FARS2: variants seen among roughly 807,000 people sequenced by gnomAD.
FARS2 encodes the protein phenylalanyl-tRNA synthetase 2, mitochondrial.
In FARS2, 40 loss-of-function variants were observed where a neutral mutation model predicts 46.4. The observed-to-expected ratio is 0.86, with a 90% CI of 0.67 to 1.12. The LOEUF (loss-of-function observed/expected upper bound fraction) is 1.12. Among genes scored for constraint, FARS2 ranks in the 50% most tolerant of loss-of-function variants. The pLI is 0.00. For missense variants in FARS2, 513 were observed against 567.9 expected (o/e 0.90, Z 0.98); for synonymous variants, 234 against 214.9 (o/e 1.09, Z -0.78).
Position 5,702,523 on chromosome 6 carries a change from T to C in FARS2, c.1218-68768T>C, listed in dbSNP as rs544512035. Among the ~76,000 whole-genome samples, 15 of 152,370 alleles carry C rather than the reference T, an allele frequency of 9.8e-5. 1 individual carries two copies. In the South Asian group the frequency reaches 3.1e-3, roughly 32 times the overall value. ...TTTTCTAATGGGTTGTAATCCATAA[T>C]GTTTCTAGAATTTGGTGGAAAGTCA... is the stretch of plus-strand genomic sequence containing the variant. On this transcript the variant is annotated intron_variant, in intron 6 of 6. Transcript: ENST00000274680.
At chr6:5,338,868 G>C (rs1200013071) in intron 1 of FARS2, among the ~76,000 whole-genome samples, 1 of 152,016 alleles carries the variant, frequency 6.6e-6, no homozygotes, top group East Asian at 1.9e-4. Context: ...GTTTTCTTGC[G>C]ATTTTCCTGT....
chr6:5,440,931 T>TC (rs987392719), intron 4 of FARS2, among the ~76,000 whole-genome samples: 3 of 151,704 alleles, frequency 2.0e-5, no homozygotes, highest in African/African-American at 7.3e-5. Context: ...TTTTTTTTTT[T>TC]TCTTTTTTGA....
intron 5 of FARS2, among the ~76,000 whole-genome samples, chr6:5,559,982 A>C (rs1057369647): frequency 2.0e-5 from 3 of 152,160 alleles, no homozygotes; most frequent in African/African-American, 4.8e-5. Flanking sequence ...TTGTTCAAAA[A>C]TGAATTCCAG....
chr6:5,629,478 G>A (rs975751310), intron 6 of FARS2, among the ~76,000 whole-genome samples: 2 of 149,108 alleles, frequency 1.3e-5, no homozygotes, highest in African/African-American at 5.2e-5. Flanking sequence ...CACGTATACA[G>A]ACAGAAATGT....
At chr6:5,585,208 G>T (rs1267212592) in intron 5 of FARS2, among the ~76,000 whole-genome samples, 2 of 151,924 alleles carry the variant, frequency 1.3e-5, no homozygotes, top group Non-Finnish European at 2.9e-5. Flanking sequence ...TATATTCAAG[G>T]TATGCAATGT....
chr6:5,657,189 T>G (rs1446456310), intron 6 of FARS2, among the ~76,000 whole-genome samples: 3 of 152,144 alleles, frequency 2.0e-5, no homozygotes, highest in African/African-American at 7.2e-5. Flanking sequence ...GGATGTGTAT[T>G]TAGAAAAAAT....
chr6:5,276,598 T>A (rs1470287329), intron 1 of FARS2, among the ~76,000 whole-genome samples: 1 of 152,216 alleles, frequency 6.6e-6, no homozygotes, highest in Non-Finnish European at 1.5e-5. Flanking sequence ...GAGCTTTACT[T>A]TCCCTTTATT....
chr6:5,261,168 G>A (rs1324831844), upstream of FARS2: 1 of 160,746 alleles, frequency 6.2e-6, no homozygotes, highest in Non-Finnish European at 1.3e-5. Context: ...AGAGCCTTTG[G>A]GAACCGTCTG....
chr6:5,666,524 A>G lies in FARS2; in HGVS notation c.1217+53204A>G, dbSNP rs191517444. ...GAGCAGTGCTATTTTAATAAATAGTACATGATAGTTTTGCTGTATACCAGG... is the reference window on the plus strand; with the variant it reads ...GAGCAGTGCTATTTTAATAAATAGTGCATGATAGTTTTGCTGTATACCAGG... On this transcript the variant is annotated intron_variant, in intron 6 of 6. Transcript: ENST00000274680. Among the ~76,000 whole-genome samples, 21 of 152,354 alleles carry G rather than the reference A, an allele frequency of 1.4e-4. No homozygotes were observed. In the East Asian group the frequency reaches 3.9e-3, roughly 28 times the overall value.
intron 6 of FARS2, among the ~76,000 whole-genome samples, chr6:5,643,225 G>T (rs1776911591): frequency 6.6e-6 from 1 of 152,184 alleles, no homozygotes. Context: ...GTGAGGCAAA[G>T]AACTGAAATA....
At chr6:5,676,592 A>G (rs1269397155) in intron 6 of FARS2, among the ~76,000 whole-genome samples, 1 of 152,242 alleles carries the variant, frequency 6.6e-6, no homozygotes, top group Non-Finnish European at 1.5e-5. Flanking sequence ...TTATAATCAT[A>G]TATTCAATGA....
At chr6:5,408,960 A>T (rs1761775239) in intron 3 of FARS2, among the ~76,000 whole-genome samples, 1 of 152,194 alleles carries the variant, frequency 6.6e-6, no homozygotes, top group South Asian at 2.1e-4. Flanking sequence ...AAGCTGTCCA[A>T]GGTGTTTCAG....
At chr6:5,545,552 A>G (rs921045696) in intron 5 of FARS2, among the ~76,000 whole-genome samples, 35 of 152,054 alleles carry the variant, frequency 2.3e-4, no homozygotes, top group Non-Finnish European at 4.6e-4. Flanking sequence ...TCAACCCGTC[A>G]TCTAGGTTTT....
intron 1 of FARS2, among the ~76,000 whole-genome samples, chr6:5,331,610 G>A (rs1770804879): frequency 6.6e-6 from 1 of 152,172 alleles, no homozygotes; most frequent in African/African-American, 2.4e-5. Flanking sequence ...AGGGAGAGCT[G>A]GGGATTAGCC....
At chr6:5,425,600 G>A (rs966113292) in intron 3 of FARS2, among the ~76,000 whole-genome samples, 1 of 152,194 alleles carries the variant, frequency 6.6e-6, no homozygotes, top group Non-Finnish European at 1.5e-5. Context: ...CAGAGCAGGC[G>A]AGGTACAGTG....
chr6:5,545,414 A>C, intron 5 of FARS2, 74 bp downstream of exon 5: 1 of 1,103,856 alleles, frequency 9.1e-7, no homozygotes, highest in South Asian at 1.7e-5. Flanking sequence ...CATGTACTTG[A>C]AAGCCACTGA....
At position 5,545,071 on chromosome 6, in the gene FARS2, G is replaced by T. The variant is rs1770876969; in HGVS notation, c.905-109G>T. 11 of 1,037,428 alleles carry T rather than the reference G, an allele frequency of 1.1e-5. No individual in the cohort carries two copies. In the Admixed American group the frequency reaches 1.4e-4, roughly 14 times the overall value. The allele number at this position is 1,037,428 out of a possible 1,614,324, so 64.3% of individuals were successfully genotyped here. On this transcript the variant is annotated intron_variant, in intron 4 of 6. Coordinates refer to ENST00000274680, the MANE Select transcript of FARS2 (RefSeq NM_006567.5). ...TTTGTAGCGGCTGCCCAGTGCCTTT[G>T]CCCGCTGGTAGGCATCTAATTAGTG... is the stretch of plus-strand genomic sequence containing the variant.
upstream of FARS2, chr6:5,260,537 G>T: frequency 7.1e-7 from 1 of 1,416,198 alleles, no homozygotes; most frequent in Non-Finnish European, 9.5e-7. Context: ...CCTCGCAGCC[G>T]CCGGCAAACC....
In FARS2 at chr6:5,486,998, A is replaced by ACCGTCTAGGTTCCTTTCCGTTCATT. The variant is rs372396827; in HGVS notation, c.904+55831_904+55832insTAGGTTCCTTTCCGTTCATTCCGTC. Among the ~76,000 whole-genome samples, 668 of 152,322 alleles carry ACCGTCTAGGTTCCTTTCCGTTCATT rather than the reference A, an allele frequency of 4.4e-3. 8 individuals are homozygous for ACCGTCTAGGTTCCTTTCCGTTCATT. The highest frequency in any genetic ancestry group is 0.016 in the African/African-American group (645 of 41,566). On this transcript the variant is annotated intron_variant, in intron 4 of 6. Coordinates refer to ENST00000274680, the MANE Select transcript of FARS2 (RefSeq NM_006567.5). The stretch of plus-strand genomic sequence containing the variant: ...ACATCACACAGAATCCTAGAAGGGC[A>ACCGTCTAGGTTCCTTTCCGTTCATT]CCGTCACTGACAGAAATGAAGCTGG...
Sources: gnomAD v4.1 joint callset for allele counts (sites outside exome capture counted in the v4.1 genomes callset) on GRCh38, gnomAD v4.1.1 for gene constraint, MANE v1.5 for transcripts, NCBI Gene and HGNC (gene_info 2026-07-23, HGNC 2026-07-21) for gene names.